LARGE1: variants seen among roughly 807,000 people sequenced by gnomAD.
The protein encoded by LARGE1 is LARGE xylosyl- and glucuronyltransferase 1, also known as xylosyl- and glucuronyltransferase LARGE1.
A neutral mutation model predicts 87.6 loss-of-function variants in LARGE1; 43 were observed. That is an observed-to-expected ratio of 0.49 (90% CI 0.38 to 0.63). The LOEUF is 0.63. LARGE1 is among the 30% of genes least tolerant of loss of function. LARGE1 has a pLI of 0.00. For synonymous variants in LARGE1, 434 were observed against 394.6 expected, an observed-to-expected ratio of 1.10 and a Z score of -1.18; for missense variants, 802 against 1,000.2, an observed-to-expected ratio of 0.80 and a Z score of 2.67.
chr22:33,097,169 A>G, the LARGE1 span, among the ~76,000 whole-genome samples: 2 of 152,220 alleles, frequency 1.3e-5, no homozygotes, highest in African/African-American at 4.8e-5. Context: ...CGGAGGAAAC[A>G]CAGCACTGGA....
intron 1 of LARGE1, among the ~76,000 whole-genome samples, chr22:33,812,635 C>T (rs2086532404): frequency 6.6e-6 from 1 of 152,242 alleles, no homozygotes; most frequent in Non-Finnish European, 1.5e-5. Context: ...TCCTGTCCAT[C>T]TATCAGTCCC....
rs571616404 is a variant in LARGE1 at position 33,722,933 on chromosome 22, T to C, written c.106+38438A>G. 5.3e-5 allele frequency among the ~76,000 whole-genome samples: 8 copies of C among 152,142 alleles called. No individual in the cohort carries two copies. The South Asian group carries it at 1.7e-3, about 32-fold the overall frequency. On this transcript the variant is annotated intron_variant, in intron 2 of 14. Coordinates refer to ENST00000397394, the MANE Select transcript of LARGE1 (RefSeq NM_133642.5). ...TGGGGGTGAGCTGTTTTGATGACGT[T>C]GTAAAGGGAAATTAGAGCAAGATCC...
At chr22:33,853,029 A>ACTC (rs761746854) in intron 1 of LARGE1, among the ~76,000 whole-genome samples, 21 of 152,100 alleles carry the variant, frequency 1.4e-4, no homozygotes, top group Non-Finnish European at 2.8e-4. Flanking sequence ...GAAACATGAG[A>ACTC]AAGTCTTGAT....
chr22:33,342,487 G>C (rs572693362), intron 9 of LARGE1, among the ~76,000 whole-genome samples: 1 of 152,308 alleles, frequency 6.6e-6, no homozygotes, highest in East Asian at 1.9e-4. Flanking sequence ...CTGGTAAGTT[G>C]CAGTGCTGAG....
At chr22:33,606,073 G>A (rs149722415) in intron 4 of LARGE1, among the ~76,000 whole-genome samples, 56 of 152,276 alleles carry the variant, frequency 3.7e-4, no homozygotes, top group Admixed American at 2.2e-3. Context: ...CTCCAGGGTT[G>A]GAGCAGAGAA....
At chr22:33,606,967 C>T (rs2079282657) in intron 4 of LARGE1, among the ~76,000 whole-genome samples, 1 of 151,806 alleles carries the variant, frequency 6.6e-6, no homozygotes, top group African/African-American at 2.4e-5. Context: ...CTTGTCTACA[C>T]CCCCCATGTG....
chr22:33,076,809 G>A, the LARGE1 span, among the ~76,000 whole-genome samples: 17 of 152,258 alleles, frequency 1.1e-4, no homozygotes, highest in Admixed American at 2.0e-4. Flanking sequence ...CTTCTTTAGC[G>A]TTGTATCTTA....
At chr22:33,793,705 C>T (rs1326122803) in intron 1 of LARGE1, among the ~76,000 whole-genome samples, 1 of 152,082 alleles carries the variant, frequency 6.6e-6, no homozygotes, top group East Asian at 1.9e-4. Flanking sequence ...GAACTTTTTC[C>T]AGCTCCTCTC....
At chr22:33,637,605 T>TTC (rs3831697) in intron 3 of LARGE1, among the ~76,000 whole-genome samples, 100,329 of 151,838 alleles carry the variant, frequency 0.66, 33,919 homozygotes, top group African/African-American at 0.79. Context: ...TTTTTACTTC[T>TTC]TCTGTTTAAA....
intron 11 of LARGE1, among the ~76,000 whole-genome samples, chr22:33,259,335 CACACACA>C (rs974224120): frequency 4.8e-4 from 73 of 150,980 alleles, no homozygotes; most frequent in African/African-American, 1.6e-3. Flanking sequence ...CACACACACA[CACACACA>C]CACACAAACA....
At chr22:33,102,968 A>G in the LARGE1 span, among the ~76,000 whole-genome samples, 3 of 152,256 alleles carry the variant, frequency 2.0e-5, no homozygotes, top group East Asian at 5.8e-4. Flanking sequence ...CTTCATAGAA[A>G]GGATCTTGGA....
Position 33,337,672 on chromosome 22 carries a change from T to C in LARGE1, c.1261A>G (p.Ser421Gly), listed in dbSNP as rs905900345. 1 of 1,614,072 alleles carries C rather than the reference T, an allele frequency of 6.2e-7. No homozygotes were observed. Among genetic ancestry groups the C allele is most frequent in the Non-Finnish European group, 8.5e-7 (1 of 1,180,006 alleles). ...LLRRELFGCP[S>G]EADVNSENLQ... is the part of the protein sequence containing the mutation. The stretch of plus-strand genomic sequence containing the variant: ...TTTTCACTGTTGACATCAGCCTCAC[T>C]GGGGCAGCCAAACAGTTCCCGCCTC... The change falls in exon 10 of 15, where the codon AGT (serine) becomes GGT (glycine). Residue 421 changes from serine (S) to glycine (G), a missense_variant. Coordinates refer to ENST00000397394, the MANE Select transcript of LARGE1 (RefSeq NM_133642.5).
rs540967187 is a variant in LARGE1, at chr22:33,234,777, G to A, written c.1731-67945C>T. On this transcript the variant is annotated intron_variant, in intron 11 of 11. Coordinates refer to the LARGE1 transcript ENST00000608642. ...GCTGGTCTTGAACTCCCCACCTCAT[G>A]TGATCTGCCTGCCTTGGCCTCCCAA... is the stretch of plus-strand genomic sequence containing the variant. Among the ~76,000 whole-genome samples the A allele has an allele frequency of 4.6e-5, 7 of 152,222 alleles. No homozygotes were observed. The South Asian group carries it at 1.5e-3, about 32-fold the overall frequency.
At position 33,611,618 on chromosome 22, in the gene LARGE1, T is replaced by C. The variant is rs147183687; in HGVS notation, c.492-7060A>G. 2.0e-5 allele frequency among the ~76,000 whole-genome samples: 3 copies of C among 152,312 alleles called. No individual in the cohort carries two copies. In the East Asian group the frequency reaches 5.8e-4, roughly 29 times the overall value. On this transcript the variant is annotated intron_variant, in intron 4 of 14. Transcript: ENST00000397394. ...TCATCTTCAGATGGGACTTTGAACT[T>C]GGGACTTCTGAGTTAAAAATGGAAT... is the stretch of plus-strand genomic sequence containing the variant.
At chr22:33,457,395 A>G (rs923511036) in intron 6 of LARGE1, among the ~76,000 whole-genome samples, 2 of 145,428 alleles carry the variant, frequency 1.4e-5, no homozygotes, top group African/African-American at 5.2e-5. Context: ...CAAGTGATTC[A>G]TCTGCCCGCC....
chr22:33,540,886 C>T lies in LARGE1; in HGVS notation c.787+23962G>A, dbSNP rs138913194. Among the ~76,000 whole-genome samples the T allele has an allele frequency of 2.8e-3, 423 of 151,982 alleles. 1 individual carries two copies. Among genetic ancestry groups the T allele is most frequent in the African/African-American group, 9.5e-3 (393 of 41,412 alleles). Reference sequence around the variant, plus strand: ...CAGCGGCTCACACCAGTAATCCCAGCACTTTGAGAGGCGGAGGTAGGCGGA... The same window carrying T: ...CAGCGGCTCACACCAGTAATCCCAGTACTTTGAGAGGCGGAGGTAGGCGGA... On this transcript the variant is annotated intron_variant, in intron 6 of 14. Transcript: ENST00000397394.
At chr22:33,424,563 C>T (rs8141764) in intron 7 of LARGE1, among the ~76,000 whole-genome samples, 50,606 of 152,008 alleles carry the variant, frequency 0.33, 9,061 homozygotes, top group Non-Finnish European at 0.39. Context: ...TAGTGGCTCA[C>T]ACCTGTAATC....
At chr22:33,283,393 A>T (rs1355493887) in intron 12 of LARGE1, 45 bp from the exon 13 acceptor site, 1 of 1,611,150 alleles carries the variant, frequency 6.2e-7, no homozygotes, top group South Asian at 1.1e-5. Context: ...CTGTGACACC[A>T]GGCCAAGGTC....
intron 3 of LARGE1, among the ~76,000 whole-genome samples, chr22:33,628,806 T>C (rs2080011532): frequency 6.6e-6 from 1 of 151,332 alleles, no homozygotes; most frequent in Non-Finnish European, 1.5e-5. Flanking sequence ...CCCGCAGACA[T>C]CTGCAATGCC....
Sources: gnomAD v4.1 joint callset for allele counts (sites outside exome capture counted in the v4.1 genomes callset) on GRCh38, gnomAD v4.1.1 for gene constraint, MANE v1.5 for transcripts, NCBI Gene and HGNC (gene_info 2026-07-23, HGNC 2026-07-21) for gene names.